The following SASH1 variants were observed in gnomAD, a reference collection of about 807,000 sequenced individuals.
The protein encoded by SASH1 is SAM and SH3 domain-containing protein 1.
Under a neutral mutation model 125.2 loss-of-function variants are expected in SASH1, and 44 were observed. The observed-to-expected ratio is 0.35, with a 90% CI of 0.28 to 0.45. The LOEUF (loss-of-function observed/expected upper bound fraction) is 0.45. Among genes scored for constraint, SASH1 ranks in the 20% least tolerant of loss-of-function variants. SASH1 has a pLI of 1.00. For missense variants in SASH1, 1,426 were observed against 1,614.5 expected (o/e 0.88, Z 2.00); for synonymous variants, 639 against 649.1 (o/e 0.98, Z 0.24).
the SASH1 span, among the ~76,000 whole-genome samples, chr6:148,216,851 C>T: frequency 6.6e-6 from 1 of 152,130 alleles, no homozygotes; most frequent in Admixed American, 6.5e-5. Flanking sequence ...ATGCCTCAGG[C>T]TCCCGAGTAG....
intron 8 of SASH1, among the ~76,000 whole-genome samples, chr6:148,494,874 A>G (rs1024340552): frequency 3.3e-5 from 5 of 152,190 alleles, no homozygotes; most frequent in Non-Finnish European, 7.4e-5. Flanking sequence ...AGGACTTCCA[A>G]GGTCTCAACT....
Position 148,514,457 on chromosome 6 carries a change from G to C in SASH1, c.862+1G>C. ...GAAATGAAAAAACCCAGCACTGAAG[G>C]TAAAAAAAAAAAAAAAAAAAAAAAA... On this transcript the variant is annotated splice_donor_variant, in intron 9 of 19. Coordinates refer to ENST00000367467, the MANE Select transcript of SASH1 (RefSeq NM_015278.5). LOFTEE classifies it high-confidence loss of function. 1 of 213,840 alleles carries C rather than the reference G, an allele frequency of 4.7e-6. No individual in the cohort carries two copies. Among genetic ancestry groups the C allele is most frequent in the Non-Finnish European group, 6.3e-6 (1 of 158,178 alleles). 13.2% of individuals were successfully genotyped at this position (213,840 alleles called of 1,614,324 possible).
At chr6:148,230,245 T>A in the SASH1 span, among the ~76,000 whole-genome samples, 1 of 152,242 alleles carries the variant, frequency 6.6e-6, no homozygotes, top group Non-Finnish European at 1.5e-5. Flanking sequence ...CAGTGTTTCA[T>A]TCATTTTTAT....
At chr6:148,314,881 C>T (rs1357082286) in intron 1 of SASH1, among the ~76,000 whole-genome samples, 1 of 151,726 alleles carries the variant, frequency 6.6e-6, no homozygotes, top group Admixed American at 6.6e-5. Context: ...CTCAGCCTCC[C>T]GAATAGCTGG....
chr6:148,500,226 T>C (rs1309880313), intron 8 of SASH1, among the ~76,000 whole-genome samples: 3 of 152,064 alleles, frequency 2.0e-5, no homozygotes, highest in African/African-American at 7.2e-5. Context: ...TAGATTTTTT[T>C]TTTTTTTCTC....
intron 1 of SASH1, among the ~76,000 whole-genome samples, chr6:148,289,189 T>C (rs1024687693): frequency 5.3e-5 from 8 of 152,072 alleles, no homozygotes; most frequent in African/African-American, 1.7e-4. Flanking sequence ...TTTCAAGGGA[T>C]TGTTTGTTTT....
intron 1 of SASH1, among the ~76,000 whole-genome samples, chr6:148,361,264 A>T (rs957620473): frequency 7.9e-5 from 12 of 152,198 alleles, no homozygotes; most frequent in African/African-American, 2.9e-4. Flanking sequence ...CTATTACCAC[A>T]GGGTAGCAGC....
intron 2 of SASH1, among the ~76,000 whole-genome samples, chr6:148,435,227 A>G (rs1288835964): frequency 6.6e-6 from 1 of 151,962 alleles, no homozygotes; most frequent in Non-Finnish European, 1.5e-5. Flanking sequence ...AAAATACAAA[A>G]ATTATCTGGG....
At chr6:148,457,622 A>G (rs1777420878) in intron 4 of SASH1, among the ~76,000 whole-genome samples, 1 of 152,218 alleles carries the variant, frequency 6.6e-6, no homozygotes, top group Admixed American at 6.5e-5. Context: ...TACTTTGGTA[A>G]GCCAGACCAA....
the SASH1 span, among the ~76,000 whole-genome samples, chr6:148,222,552 A>G: frequency 6.6e-6 from 1 of 152,128 alleles, no homozygotes; most frequent in Admixed American, 6.6e-5. Context: ...TAAGCCTCTG[A>G]CTTCCAGAAA....
Position 148,543,920 on chromosome 6 carries a change from C to A in SASH1, c.2450C>A (p.Ser817Tyr). Reference protein sequence around the residue: ...LNKNRRSLPVSICRSCETLEG... With the variant: ...LNKNRRSLPVYICRSCETLEG... ...AAAAACCGAAGAAGCCTCCCAGTTT[C>A]CATCTGCCGGAGCTGTGAGACCCTG... The change falls in exon 18 of 20, where the codon TCC (serine) becomes TAC (tyrosine). Residue 817 changes from serine (S) to tyrosine (Y), a missense_variant. By Grantham distance (144) the Ser-to-Tyr change is moderately radical. Transcript: ENST00000367467. 1 of 1,614,206 alleles carries A rather than the reference C, an allele frequency of 6.2e-7. No homozygotes were observed. The highest frequency in any genetic ancestry group is 8.5e-7 in the Non-Finnish European group (1 of 1,180,044).
intron 1 of SASH1, among the ~76,000 whole-genome samples, chr6:148,372,707 G>GTTCA (rs34864667): frequency 2.4e-4 from 37 of 151,058 alleles, no homozygotes; most frequent in Admixed American, 9.2e-4. Flanking sequence ...CCATTTGTTC[G>GTTCA]TTCATTCATT....
chr6:148,218,971 T>C, the SASH1 span, among the ~76,000 whole-genome samples: 3 of 152,244 alleles, frequency 2.0e-5, no homozygotes, highest in Non-Finnish European at 4.4e-5. Flanking sequence ...ATGTTCATGC[T>C]CAGCCTGAAA....
intron 1 of SASH1, among the ~76,000 whole-genome samples, chr6:148,310,018 A>G (rs1172879635): frequency 6.6e-6 from 1 of 152,206 alleles, no homozygotes; most frequent in African/African-American, 2.4e-5. Flanking sequence ...TACAGGAAGT[A>G]CATGGTAAAA....
the SASH1 span, among the ~76,000 whole-genome samples, chr6:148,238,371 G>T: frequency 5.9e-5 from 9 of 152,000 alleles, no homozygotes; most frequent in African/African-American, 2.2e-4. Flanking sequence ...TTACAGGCAT[G>T]CGCCACCATC....
chr6:148,289,395 G>A (rs1223162474), intron 1 of SASH1, among the ~76,000 whole-genome samples: 2 of 152,174 alleles, frequency 1.3e-5, no homozygotes, highest in Non-Finnish European at 2.9e-5. Context: ...CATGCCTCAC[G>A]ATCTCCAGCC....
In SASH1 at chr6:148,495,267, G is replaced by A. The variant is rs1023925421; in HGVS notation, c.729+7552G>A. Among the ~76,000 whole-genome samples the A allele has an allele frequency of 6.6e-6, 1 of 152,110 alleles. No homozygotes were observed. The highest frequency in any genetic ancestry group is 1.9e-4 in the East Asian group (1 of 5,180). ...GTAATCCCTTTTTATAGAATATGGC[G>A]GAAGAACAGTGCACACACTCATAAG... is the stretch of plus-strand genomic sequence containing the variant. On this transcript the variant is annotated intron_variant, in intron 8 of 19. Coordinates refer to ENST00000367467, the MANE Select transcript of SASH1 (RefSeq NM_015278.5). The surrounding 1 kb of genome is among the most constrained non-coding windows in gnomAD (Gnocchi z 4.0).
chr6:148,221,217 G>A, the SASH1 span, among the ~76,000 whole-genome samples: 2 of 151,898 alleles, frequency 1.3e-5, no homozygotes, highest in African/African-American at 2.4e-5. Flanking sequence ...ATTATTAACA[G>A]GCCCAATAAA....
intron 1 of SASH1, among the ~76,000 whole-genome samples, chr6:148,354,027 A>G (rs1237809414): frequency 6.6e-6 from 1 of 151,920 alleles, no homozygotes; most frequent in Non-Finnish European, 1.5e-5. Flanking sequence ...TAAAAGAGTA[A>G]CCAGGCATGG....
Sources: gnomAD v4.1 joint callset for allele counts (sites outside exome capture counted in the v4.1 genomes callset) on GRCh38, gnomAD v4.1.1 for gene constraint, Gnocchi (gnomAD v3.1) non-coding constraint, MANE v1.5 for transcripts, NCBI Gene and HGNC (gene_info 2026-07-23, HGNC 2026-07-21) for gene names.